The following VANGL1 variants were observed in gnomAD, a reference collection of about 807,000 sequenced individuals.
The protein encoded by VANGL1 is VANGL planar cell polarity protein 1.
VANGL1 carries 18 observed loss-of-function variants against 48.4 expected under a neutral mutation model. That is an observed-to-expected ratio of 0.37 (90% CI 0.26 to 0.55). The LOEUF (loss-of-function observed/expected upper bound fraction) is 0.55, where lower values mean the gene tolerates loss of function less well. Ranked by LOEUF, VANGL1 falls within the 20% of genes least tolerant of loss-of-function variation. The pLI is 0.81. For missense variants in VANGL1, 667 were observed against 675.8 expected (o/e 0.99, Z 0.14); for synonymous variants, 257 against 261.8 (o/e 0.98, Z 0.18).
At chr1:115,665,380 A>AG (rs569858031) in intron 4 of VANGL1, among the ~76,000 whole-genome samples, 100 of 152,354 alleles carry the variant, frequency 6.6e-4, no homozygotes, top group Middle Eastern at 3.4e-3. Flanking sequence ...GGGGCAGGGT[A>AG]GGCACTTAGT....
rs530660086 is a variant in VANGL1 at position 115,685,683 on chromosome 1, G to A, written c.1314+156G>A. On this transcript the variant is annotated intron_variant, in intron 7 of 7. Transcript: ENST00000355485. ...GTGATTCTCACTTATTTTATGTTAT[G>A]TTAGTACAATTGTTTTTTTAAATGT... Among the ~76,000 whole-genome samples, 323 of 152,210 alleles carry A rather than the reference G, an allele frequency of 2.1e-3. 1 individual carries two copies. Among genetic ancestry groups the A allele is most frequent in the South Asian group, 7.9e-3 (38 of 4,828 alleles).
chr1:115,682,171 C>T lies in VANGL1; in HGVS notation c.813-193C>T, dbSNP rs10923175. 0.66 allele frequency among the ~76,000 whole-genome samples: 100,639 copies of T among 151,480 alleles called. 33,598 individuals are homozygous for T. The highest frequency in any genetic ancestry group is 0.75 in the South Asian group (3,606 of 4,802). On this transcript the variant is annotated intron_variant, in intron 4 of 7. Transcript: ENST00000355485. ...GTCCAGGAGAGGGCACAGAAGTCAC[C>T]TGGCCATGGGGCTTAGTTTCAGCTT...
chr1:115,678,054 T>G (rs1373208061), intron 4 of VANGL1, among the ~76,000 whole-genome samples: 1 of 152,216 alleles, frequency 6.6e-6, no homozygotes, highest in East Asian at 1.9e-4. Flanking sequence ...ACAGAGAAGT[T>G]AAGCCTGCAA....
rs1272675070 is a variant in VANGL1 at position 115,694,352 on chromosome 1, G to C, written c.*2973G>C. ...GAAGACAAGTTCTTTACAGCAAATG[G>C]TAAGAGGCAGGTGACCTGGTGTGTT... On this transcript the variant is annotated 3_prime_UTR_variant, in exon 8 of 8. Transcript: ENST00000355485. 6.6e-6 allele frequency: 1 copy of C among 152,188 alleles called. No homozygotes were observed. Among genetic ancestry groups the C allele is most frequent in the Admixed American group, 6.5e-5 (1 of 15,282 alleles). The allele number at this position is 152,188 out of a possible 1,614,324, so 9.4% of individuals were successfully genotyped here. A position where few individuals can be genotyped will look rare whatever the true frequency, so the allele number is the denominator to read the frequency against.
chr1:115,695,686 A>T lies in VANGL1; in HGVS notation c.*4307A>T, dbSNP rs1654007074. On this transcript the variant is annotated 3_prime_UTR_variant, in exon 8 of 8. Coordinates refer to ENST00000355485, the MANE Select transcript of VANGL1 (RefSeq NM_138959.3). The stretch of plus-strand genomic sequence containing the variant: ...AGTCCGTGTTCCACCCAGCCTTGTT[A>T]TCCCCACATTCTTTCAAGATAGGAG... The T allele has an allele frequency of 6.6e-6, 1 of 152,178 alleles. No homozygotes were observed. The highest frequency in any genetic ancestry group is 1.5e-5 in the Non-Finnish European group (1 of 68,036). The allele number at this position is 152,178 out of a possible 1,614,324, so 9.4% of individuals were successfully genotyped here.
intron 1 of VANGL1, among the ~76,000 whole-genome samples, chr1:115,649,364 G>C (rs563528520): frequency 6.6e-6 from 1 of 152,290 alleles, no homozygotes; most frequent in East Asian, 1.9e-4. Flanking sequence ...GAGGCTCCAA[G>C]GAGAAACTGC....
At position 115,694,606 on chromosome 1, in the gene VANGL1, G is replaced by A. The variant is rs1557780394; in HGVS notation, c.*3227G>A. 1 of 152,132 alleles carries A rather than the reference G, an allele frequency of 6.6e-6. No homozygotes were observed. Among genetic ancestry groups the A allele is most frequent in the Non-Finnish European group, 1.5e-5 (1 of 68,038 alleles). The allele number at this position is 152,132 out of a possible 1,614,324, so 9.4% of individuals were successfully genotyped here. A position where few individuals can be genotyped will look rare whatever the true frequency, so the allele number is the denominator to read the frequency against. ...CCAGCATATTGGACTGACAGAAATT[G>A]ATTACCTTGCCACTCCAACCTACGT... On this transcript the variant is annotated 3_prime_UTR_variant, in exon 8 of 8. Coordinates refer to ENST00000355485, the MANE Select transcript of VANGL1 (RefSeq NM_138959.3).
intron 7 of VANGL1, among the ~76,000 whole-genome samples, chr1:115,686,001 A>G (rs994421799): frequency 3.9e-5 from 6 of 152,176 alleles, no homozygotes; most frequent in Admixed American, 1.3e-4. Context: ...ATAGTGCAAC[A>G]TATAAACAGA....
chr1:115,682,889 T>TA (rs1221061753), intron 5 of VANGL1, among the ~76,000 whole-genome samples: 1 of 152,174 alleles, frequency 6.6e-6, no homozygotes, highest in Non-Finnish European at 1.5e-5. Context: ...TCTGGTGAGA[T>TA]ACCTGCGGGC....
In VANGL1 at chr1:115,679,278, G is replaced by A. The variant is rs571229708; in HGVS notation, c.813-3086G>A. 1.2e-4 allele frequency among the ~76,000 whole-genome samples: 18 copies of A among 152,304 alleles called. 1 individual carries two copies. The highest frequency in any genetic ancestry group is 4.3e-4 in the African/African-American group (18 of 41,572). On this transcript the variant is annotated intron_variant, in intron 4 of 7. Coordinates refer to ENST00000355485, the MANE Select transcript of VANGL1 (RefSeq NM_138959.3). ...GGCAGAGCCAGAGGGAGTGCAGGACGCCTGCACTTTCCCCTTGTTTGGTAT... is the reference window on the plus strand; with the variant it reads ...GGCAGAGCCAGAGGGAGTGCAGGACACCTGCACTTTCCCCTTGTTTGGTAT...
Position 115,672,060 on chromosome 1 carries a change from C to T in VANGL1, c.812+7792C>T, listed in dbSNP as rs151254112. On this transcript the variant is annotated intron_variant, in intron 4 of 7. Transcript: ENST00000355485. ...CATGAGCTATTAGCTACTTCTGGTT[C>T]TCACAAACTCCTCCCAGTGTTGATA... Among the ~76,000 whole-genome samples the T allele has an allele frequency of 8.5e-5, 13 of 152,310 alleles. No homozygotes were observed. In the East Asian group the frequency reaches 1.2e-3, roughly 14 times the overall value.
intron 4 of VANGL1, among the ~76,000 whole-genome samples, chr1:115,679,685 A>AC (rs1379219487): frequency 6.6e-6 from 1 of 152,236 alleles, no homozygotes; most frequent in Non-Finnish European, 1.5e-5. Flanking sequence ...GCCTCGCTGA[A>AC]CAGAAAAGCA....
Position 115,682,472 on chromosome 1 carries a change from C to G in VANGL1, c.921C>G (p.Ala307=), listed in dbSNP as rs148965020. 3.7e-5 allele frequency: 60 copies of G among 1,614,106 alleles called. No individual in the cohort carries two copies. The highest frequency in any genetic ancestry group is 5.0e-5 in the Non-Finnish European group (59 of 1,180,030). Residue 307 remains alanine (A), a synonymous_variant, in exon 5 of 8, where the codon GCC becomes GCG. Transcript: ENST00000355485. ...AATTCCGAGCAGCCAAGCATATGGCCGGGCTGAAAGTCTACAATGTAGATG... is the reference window on the plus strand; with the variant it reads ...AATTCCGAGCAGCCAAGCATATGGCGGGGCTGAAAGTCTACAATGTAGATG... ...ASKFRAAKHM[A]GLKVYNVDGP...
chr1:115,669,530 G>T (rs10923150), intron 4 of VANGL1, among the ~76,000 whole-genome samples: 12 of 152,256 alleles, frequency 7.9e-5, no homozygotes, highest in African/African-American at 2.9e-4. Context: ...TCACGGGGGC[G>T]ATTTCCCCCA....
chr1:115,685,783 A>T (rs1653585316), intron 7 of VANGL1, among the ~76,000 whole-genome samples: 1 of 152,050 alleles, frequency 6.6e-6, no homozygotes, highest in Non-Finnish European at 1.5e-5. Context: ...GTGATTGGAG[A>T]CAGTATGGAA....
Position 115,664,410 on chromosome 1 carries a change from G to A in VANGL1, c.812+142G>A, listed in dbSNP as rs1396246725. The A allele has an allele frequency of 2.5e-5, 32 of 1,257,900 alleles. No homozygotes were observed. The South Asian group carries it at 3.9e-4, about 16-fold the overall frequency. The allele number at this position is 1,257,900 out of a possible 1,614,324, so 77.9% of individuals were successfully genotyped here. A position where few individuals can be genotyped will look rare whatever the true frequency, so the allele number is the denominator to read the frequency against. ...CTTTTCTGGTTTGGGGAGGAGATGC[G>A]AGGGTGGGGAGGGTGTCCATGTTCA... On this transcript the variant is annotated intron_variant, in intron 4 of 7. Coordinates refer to ENST00000355485, the MANE Select transcript of VANGL1 (RefSeq NM_138959.3).
At chr1:115,656,260 C>A (rs940116320) in intron 2 of VANGL1, among the ~76,000 whole-genome samples, 1 of 152,222 alleles carries the variant, frequency 6.6e-6, no homozygotes, top group Non-Finnish European at 1.5e-5. Flanking sequence ...TAACATTGTG[C>A]AGCTGAGCAT....
chr1:115,659,619 C>G (rs762076281), intron 2 of VANGL1, 22 bp from the exon 3 acceptor site: 1 of 1,613,244 alleles, frequency 6.2e-7, no homozygotes, highest in Non-Finnish European at 8.5e-7. Flanking sequence ...CATAAATGTG[C>G]TAGCTCATTG....
At chr1:115,667,878 G>A (rs1378877058) in intron 4 of VANGL1, among the ~76,000 whole-genome samples, 1 of 152,236 alleles carries the variant, frequency 6.6e-6, no homozygotes, top group Admixed American at 6.5e-5. Flanking sequence ...AGGGAAATAA[G>A]TGTGAATACT....
Sources: allele counts gnomAD v4.1 joint callset (sites outside exome capture counted in the v4.1 genomes callset), GRCh38; gene constraint gnomAD v4.1.1; transcripts MANE v1.5; gene names NCBI Gene and HGNC (gene_info 2026-07-23, HGNC 2026-07-21).